The following TNN variants were observed in gnomAD, a reference collection of about 807,000 sequenced individuals.
TNN encodes the protein tenascin-N.
TNN carries 122 observed loss-of-function variants against 134.4 expected under a neutral mutation model. The observed-to-expected ratio is 0.91, with a 90% confidence interval of 0.78 to 1.06. The LOEUF (loss-of-function observed/expected upper bound fraction) is 1.06, where lower values mean the gene tolerates loss of function less well. Ranked by LOEUF, TNN falls within the 50% of genes least tolerant of loss-of-function variation. The pLI is 0.00. For missense variants in TNN, 1,739 were observed against 1,699.4 expected, an observed-to-expected ratio of 1.02 and a Z score of -0.41; for synonymous variants, 710 against 670.3, an observed-to-expected ratio of 1.06 and a Z score of -0.91.
rs150600203 is a variant in TNN, at chr1:175,126,885, T to C, written c.2915-70T>C. ...GGTTTGAAAAGGGGAAAATATAAAC[T>C]GATGTCTCAAAAATTACCTTGCCTC... On this transcript the variant is annotated intron_variant, in intron 12 of 18. Coordinates refer to ENST00000239462, the MANE Select transcript of TNN (RefSeq NM_022093.2). 936 of 1,518,342 alleles carry C rather than the reference T, an allele frequency of 6.2e-4. 3 individuals carry two copies. In the African/African-American group the frequency reaches 0.011, roughly 17 times the overall value. 94.1% of individuals were successfully genotyped at this position (1,518,342 alleles called of 1,614,324 possible). A position where few individuals can be genotyped will look rare whatever the true frequency, so the allele number is the denominator to read the frequency against.
Position 175,141,893 on chromosome 1 carries a change from CA to C in TNN, c.3596-2493del, listed in dbSNP as rs948379676. ...TTCTAGAAGGTAGAAAATCCTTCTGCAGAAAAAGACCTCCCACATTTGGGTG... is the reference window on the plus strand; with the variant it reads ...TTCTAGAAGGTAGAAAATCCTTCTGCGAAAAAGACCTCCCACATTTGGGTG... On this transcript the variant is annotated intron_variant, in intron 17 of 18. Transcript: ENST00000239462. Among the ~76,000 whole-genome samples, 12 of 152,290 alleles carry C rather than the reference CA, an allele frequency of 7.9e-5. No homozygotes were observed. In the South Asian group the frequency reaches 2.1e-3, roughly 26 times the overall value.
chr1:175,143,071 AC>A (rs1159310200), intron 17 of TNN, among the ~76,000 whole-genome samples: 1 of 152,054 alleles, frequency 6.6e-6, no homozygotes, highest in Admixed American at 6.5e-5. Context: ...CTCAGAAAGA[AC>A]CCTGGACTTG....
chr1:175,097,560 G>A lies in TNN; in HGVS notation c.1732G>A (p.Val578Met). ...CGACCAAGAGACCAGAGAGGTTCTG[G>A]TGGGGAAGGAGCAGAGCAGCACTGT... ...ADDQETREVL[V>M]GKEQSSTVLT... The change falls in exon 8 of 19, where the codon GTG becomes ATG. Residue 578 changes from valine (V) to methionine (M), a missense_variant. Val to Met is a conservative substitution (Grantham distance 21, BLOSUM62 1). Transcript: ENST00000239462. 1 of 1,614,226 alleles carries A rather than the reference G, an allele frequency of 6.2e-7. No homozygotes were observed. The highest frequency in any genetic ancestry group is 1.1e-5 in the South Asian group (1 of 91,080).
At chr1:175,137,223 A>G (rs1675834277) in intron 17 of TNN, among the ~76,000 whole-genome samples, 1 of 151,896 alleles carries the variant, frequency 6.6e-6, no homozygotes, top group Non-Finnish European at 1.5e-5. Context: ...CCCCCACCCC[A>G]ATAAAAACCC....
Position 175,117,166 on chromosome 1 carries a change from G to A in TNN, c.2347G>A (p.Ala783Thr), listed in dbSNP as rs770000271. The A allele has an allele frequency of 5.0e-6, 8 of 1,614,142 alleles. No homozygotes were observed. Among genetic ancestry groups the A allele is most frequent in the South Asian group, 1.1e-5 (1 of 91,086 alleles). The change falls in exon 10 of 19, where the codon GCC (alanine) becomes ACC (threonine). Residue 783 changes from alanine to threonine, a missense_variant. Coordinates refer to ENST00000239462, the MANE Select transcript of TNN (RefSeq NM_022093.2). The part of the protein sequence containing the change: ...YTVHVWAQKG[A>T]QESKKADTKA... ...GGTGCACGTGTGGGCCCAGAAGGGG[G>A]CCCAGGAGAGCAAGAAGGCTGACAC...
chr1:175,085,358 G>A, intron 5 of TNN, 47 bp from the exon 6 acceptor site: 1 of 1,189,364 alleles, frequency 8.4e-7, no homozygotes, highest in Non-Finnish European at 1.3e-6. Context: ...CTGGGGAGAG[G>A]GGTCTGGAGC....
chr1:175,116,951 C>A lies in TNN; in HGVS notation c.2132C>A (p.Pro711His). The change falls in exon 10 of 19, where the codon CCC (proline) becomes CAC (histidine). Residue 711 changes from proline to histidine, a missense_variant. Coordinates refer to ENST00000239462, the MANE Select transcript of TNN (RefSeq NM_022093.2). ...TTTTTTTTTTCAGACATTGACAGCCCCCAAAACCTGGTGACCGACCGGGTG... is the reference window on the plus strand; with the variant it reads ...TTTTTTTTTTCAGACATTGACAGCCACCAAAACCTGGTGACCGACCGGGTG... ...DTKAQTDIDSPQNLVTDRVTE... is the reference protein window; with the variant it reads ...DTKAQTDIDSHQNLVTDRVTE... 6.2e-7 allele frequency: 1 copy of A among 1,614,198 alleles called. No homozygotes were observed.
chr1:175,107,164 C>T (rs1417335643), intron 9 of TNN, among the ~76,000 whole-genome samples: 1 of 146,138 alleles, frequency 6.8e-6, no homozygotes, highest in Non-Finnish European at 1.5e-5. Flanking sequence ...GCCGCAAACC[C>T]TCGTGGTGAG....
At chr1:175,069,397 G>T (rs558690253) in intron 1 of TNN, among the ~76,000 whole-genome samples, 1 of 152,332 alleles carries the variant, frequency 6.6e-6, no homozygotes, top group Non-Finnish European at 1.5e-5. Context: ...TCTAAGTACT[G>T]CTTTGTCCCC....
chr1:175,145,029 G>C (rs766911334), intron 18 of TNN, among the ~76,000 whole-genome samples: 2 of 152,028 alleles, frequency 1.3e-5, no homozygotes, highest in Non-Finnish European at 2.9e-5. Flanking sequence ...CTCACATGGC[G>C]GACAGAAAGG....
Position 175,128,091 on chromosome 1 carries a change from C to T in TNN, c.3105C>T (p.Ala1035=). The change falls in exon 14 of 19, where the codon GCC becomes GCT. Residue 1035 remains alanine, a synonymous_variant. Transcript: ENST00000239462. ...RFALQGLEQG[A]TYPVSLVAFK... The stretch of plus-strand genomic sequence containing the variant: ...CGTTGCAAGGCCTTGAGCAAGGCGC[C>T]ACCTACCCTGTCTCCCTTGTTGCCT... 6.2e-7 allele frequency: 1 copy of T among 1,614,040 alleles called. No individual in the cohort carries two copies. Among genetic ancestry groups the T allele is most frequent in the Non-Finnish European group, 8.5e-7 (1 of 1,179,930 alleles).
rs539049102 is a variant in TNN at position 175,091,467 on chromosome 1, A to G, written c.1325-2523A>G. Among the ~76,000 whole-genome samples, 5 of 152,234 alleles carry G rather than the reference A, an allele frequency of 3.3e-5. No homozygotes were observed. The East Asian group carries it at 9.6e-4, about 29-fold the overall frequency. ...TTGAGTGCTCTGGGACTGGTGGGAGAGAAAGGAGCTACAGAGCTGGCTGCT... is the reference window on the plus strand; with the variant it reads ...TTGAGTGCTCTGGGACTGGTGGGAGGGAAAGGAGCTACAGAGCTGGCTGCT... On this transcript the variant is annotated intron_variant, in intron 6 of 18. Coordinates refer to ENST00000239462, the MANE Select transcript of TNN (RefSeq NM_022093.2).
At chr1:175,108,276 A>G (rs1195273727) in intron 9 of TNN, among the ~76,000 whole-genome samples, 1 of 152,150 alleles carries the variant, frequency 6.6e-6, no homozygotes, top group Non-Finnish European at 1.5e-5. Flanking sequence ...CAGAGTGTTG[A>G]TTGGTGCACT....
chr1:175,092,212 A>G (rs923800771), intron 6 of TNN, among the ~76,000 whole-genome samples: 1 of 152,214 alleles, frequency 6.6e-6, no homozygotes, highest in African/African-American at 2.4e-5. Flanking sequence ...GACATGCAGG[A>G]TCATGTCTTG....
chr1:175,145,548 G>A (rs527742810), intron 18 of TNN, among the ~76,000 whole-genome samples: 359 of 6,254 alleles, frequency 0.057, 3 homozygotes, highest in African/African-American at 0.13. Context: ...GCAAGACCCT[G>A]TCTCAAAAAA....
At position 175,117,116 on chromosome 1, in the gene TNN, G is replaced by T; in HGVS notation, c.2297G>T (p.Gly766Val). The change falls in exon 10 of 19, where the codon GGC becomes GTC. Residue 766 changes from glycine (G) to valine (V), a missense_variant. Coordinates refer to ENST00000239462, the MANE Select transcript of TNN (RefSeq NM_022093.2). ...GKEQSSTVLT[G>V]LRPGVEYTVH... ...GAGCAGAGTAGCACTGTCCTGACGG[G>T]CCTGAGGCCGGGTGTGGAGTACACG... The T allele has an allele frequency of 6.2e-7, 1 of 1,614,260 alleles. No individual in the cohort carries two copies. The highest frequency in any genetic ancestry group is 1.7e-5 in the Admixed American group (1 of 60,034).
rs769135135 is a variant in TNN at position 175,126,973 on chromosome 1, A to T, written c.2933A>T (p.Asn978Ile). 5 of 1,613,382 alleles carry T rather than the reference A, an allele frequency of 3.1e-6. No individual in the cohort carries two copies. The highest frequency in any genetic ancestry group is 1.3e-5 in the African/African-American group (1 of 74,878). ...CGTACAGAACTCGACCCTCCCAGAA[A>T]CCTTCGTCCATCTGCTGTAACGCAG... ...KAQTELDPPRNLRPSAVTQSG... is the reference protein window; with the variant it reads ...KAQTELDPPRILRPSAVTQSG... Residue 978 changes from asparagine to isoleucine, a missense_variant, in exon 13 of 19, where the codon AAC becomes ATC. By Grantham distance (149) the Asn-to-Ile change is moderately radical (BLOSUM62 -3). Coordinates refer to ENST00000239462, the MANE Select transcript of TNN (RefSeq NM_022093.2).
At chr1:175,117,352 A>G (rs1244545631) in intron 10 of TNN, 147 bp downstream of exon 10, 1 of 1,360,554 alleles carries the variant, frequency 7.3e-7, no homozygotes, top group African/African-American at 1.5e-5. Context: ...TGCACACACC[A>G]TCCCTCATTT....
At chr1:175,133,397 A>G (rs919038232) in intron 15 of TNN, among the ~76,000 whole-genome samples, 2 of 152,192 alleles carry the variant, frequency 1.3e-5, no homozygotes, top group Admixed American at 1.3e-4. Context: ...TCTCACACTG[A>G]CACAGCCCTT....
Sources: allele counts gnomAD v4.1 joint callset (sites outside exome capture counted in the v4.1 genomes callset), GRCh38; gene constraint gnomAD v4.1.1; transcripts MANE v1.5; gene names NCBI Gene and HGNC (gene_info 2026-07-23, HGNC 2026-07-21).